The following EXOC4 variants were observed in gnomAD, a reference collection of about 807,000 sequenced individuals.
EXOC4 encodes the protein exocyst complex component 4.
Under a neutral mutation model 107.2 loss-of-function variants are expected in EXOC4, and 71 were observed. The observed-to-expected ratio is 0.66, with a 90% CI of 0.55 to 0.81. The LOEUF is 0.81. Among genes scored for constraint, EXOC4 ranks in the 30% least tolerant of loss-of-function variants. The pLI is 0.00. For missense variants in EXOC4, 1,108 were observed against 1,189.6 expected (o/e 0.93, Z 1.01); for synonymous variants, 456 against 441.2 (o/e 1.03, Z -0.42).
At chr7:133,718,679 A>G (rs890741935) in intron 10 of EXOC4, among the ~76,000 whole-genome samples, 1 of 152,140 alleles carries the variant, frequency 6.6e-6, no homozygotes, top group African/African-American at 2.4e-5. Context: ...TAAAATATGA[A>G]GTTGGGATAG....
intron 7 of EXOC4, among the ~76,000 whole-genome samples, chr7:133,404,856 G>A (rs1356126153): frequency 1.4e-5 from 2 of 140,040 alleles, no homozygotes; most frequent in Non-Finnish European, 1.5e-5. Flanking sequence ...GTGAGACTGC[G>A]CCTCCACCCC....
At chr7:134,044,603 C>T (rs779037171) in intron 17 of EXOC4, among the ~76,000 whole-genome samples, 132 of 151,412 alleles carry the variant, frequency 8.7e-4, no homozygotes, top group Middle Eastern at 3.4e-3. Flanking sequence ...TCCATTACCA[C>T]GCATAAAGAT....
chr7:133,681,762 C>T (rs936058678), intron 10 of EXOC4, among the ~76,000 whole-genome samples: 5 of 151,786 alleles, frequency 3.3e-5, no homozygotes, highest in Non-Finnish European at 4.4e-5. Context: ...CTTTACTTCT[C>T]GGTGTTTCAG....
chr7:133,941,890 A>G (rs535989412), intron 14 of EXOC4, among the ~76,000 whole-genome samples: 41 of 146,874 alleles, frequency 2.8e-4, no homozygotes, highest in African/African-American at 9.3e-4. Context: ...ATTCATCACA[A>G]TTTCAACCTT....
chr7:133,711,513 T>G (rs1422777823), intron 10 of EXOC4, among the ~76,000 whole-genome samples: 1 of 152,092 alleles, frequency 6.6e-6, no homozygotes, highest in Non-Finnish European at 1.5e-5. Context: ...ATAGACTCAG[T>G]GAGATGGAGA....
At chr7:133,412,278 G>GTTTTC (rs1797375111) in intron 7 of EXOC4, among the ~76,000 whole-genome samples, 1 of 71,476 alleles carries the variant, frequency 1.4e-5, no homozygotes, top group Admixed American at 2.4e-4. Flanking sequence ...TCAGAATTCA[G>GTTTTC]TTTTTTTTTT....
At chr7:133,964,791 C>T (rs1585283721) in intron 14 of EXOC4, among the ~76,000 whole-genome samples, 2 of 152,220 alleles carry the variant, frequency 1.3e-5, no homozygotes, top group Middle Eastern at 6.8e-3. Flanking sequence ...CATAAACATA[C>T]ATGTGCATGT....
intron 7 of EXOC4, among the ~76,000 whole-genome samples, chr7:133,401,651 TAAAAAAAAA>T (rs11387586): frequency 3.5e-5 from 5 of 141,190 alleles, no homozygotes; most frequent in Non-Finnish European, 7.7e-5. Context: ...GACCCTGTCT[TAAAAAAAAA>T]AAAAGAAAAA....
intron 10 of EXOC4, among the ~76,000 whole-genome samples, chr7:133,760,733 T>TA (rs74926599): frequency 2.0e-3 from 292 of 143,408 alleles, no homozygotes; most frequent in East Asian, 2.4e-3. Context: ...CTTCTTTACT[T>TA]AAAAAAAAAA....
At chr7:133,327,510 G>T (rs922861078) in intron 5 of EXOC4, among the ~76,000 whole-genome samples, 1 of 151,970 alleles carries the variant, frequency 6.6e-6, no homozygotes, top group Non-Finnish European at 1.5e-5. Context: ...TGCTTCTCTT[G>T]TTCTTTCAAT....
At chr7:133,488,829 C>G (rs934460336) in intron 9 of EXOC4, among the ~76,000 whole-genome samples, 4 of 151,516 alleles carry the variant, frequency 2.6e-5, no homozygotes, top group Non-Finnish European at 5.9e-5. Context: ...CTATGCTATA[C>G]ATTGAGTTGG....
rs146948745 is a variant in EXOC4, at chr7:133,552,873, T to G, written c.1417+72735T>G. On this transcript the variant is annotated intron_variant, in intron 9 of 17. Transcript: ENST00000253861. ...CATTAATGTGTATTTTTACTGTTGT[T>G]TTTGGCCTCCTCTTAAATTTTTATT... 5.7e-3 allele frequency among the ~76,000 whole-genome samples: 861 copies of G among 152,290 alleles called. 9 individuals are homozygous for G. The highest frequency in any genetic ancestry group is 0.02 in the African/African-American group (818 of 41,564).
At chr7:133,960,551 A>G (rs1385558513) in intron 14 of EXOC4, among the ~76,000 whole-genome samples, 5 of 152,220 alleles carry the variant, frequency 3.3e-5, no homozygotes, top group African/African-American at 7.2e-5. Flanking sequence ...ACACAAGTCA[A>G]TAAATGTGAT....
intron 10 of EXOC4, among the ~76,000 whole-genome samples, chr7:133,648,117 C>T (rs181188903): frequency 6.6e-6 from 1 of 152,218 alleles, no homozygotes; most frequent in East Asian, 1.9e-4. Context: ...AATACATTTA[C>T]CCAAGGTAAA....
chr7:133,794,119 GT>G lies in EXOC4; in HGVS notation c.1515-23204del, dbSNP rs1171830654. On this transcript the variant is annotated intron_variant, in intron 10 of 17. Transcript: ENST00000253861. ...CCTTGAGCTTCTCCTCATATGTCTA[GT>G]TCATTTTTTTGCTACTAAGTGGTTT... is the stretch of plus-strand genomic sequence containing the variant. 4.6e-5 allele frequency among the ~76,000 whole-genome samples: 7 copies of G among 152,230 alleles called. 1 individual carries two copies. In the South Asian group the frequency reaches 1.5e-3, roughly 32 times the overall value.
chr7:133,575,029 T>C (rs1338329645), intron 9 of EXOC4, among the ~76,000 whole-genome samples: 1 of 152,236 alleles, frequency 6.6e-6, no homozygotes. Context: ...ATAATTATGA[T>C]AATACACACG....
intron 7 of EXOC4, among the ~76,000 whole-genome samples, chr7:133,408,664 C>T (rs1797283945): frequency 2.0e-5 from 3 of 152,118 alleles, no homozygotes; most frequent in Admixed American, 2.0e-4. Context: ...ACCTACACCT[C>T]TGCATCCATA....
chr7:133,881,713 T>C (rs1798970755), intron 11 of EXOC4, among the ~76,000 whole-genome samples: 1 of 152,200 alleles, frequency 6.6e-6, no homozygotes. Context: ...ATCAATTAGC[T>C]GAGTTCCCTG....
intron 7 of EXOC4, among the ~76,000 whole-genome samples, chr7:133,409,432 C>T (rs554071723): frequency 2.0e-5 from 3 of 152,296 alleles, no homozygotes; most frequent in South Asian, 2.1e-4. Context: ...TGTGAAGTAT[C>T]ACCAGCTATG....
Sources: allele counts gnomAD v4.1 joint callset (sites outside exome capture counted in the v4.1 genomes callset), GRCh38; gene constraint gnomAD v4.1.1; transcripts MANE v1.5; gene names NCBI Gene and HGNC (gene_info 2026-07-23, HGNC 2026-07-21).